NRP1: variants seen among roughly 807,000 people sequenced by gnomAD.
NRP1 encodes neuropilin 1.
In NRP1, 35 loss-of-function variants were observed where a neutral mutation model predicts 106.7. The ratio of observed to expected loss-of-function variants is 0.33; its 90% CI spans 0.25 to 0.43. The LOEUF is 0.43. NRP1 is among the 20% of genes least tolerant of loss of function. The pLI, the probability that NRP1 is intolerant of heterozygous loss-of-function variation, is 1.00. For synonymous variants in NRP1, 437 were observed against 417.9 expected, an observed-to-expected ratio of 1.05 and a Z score of -0.56; for missense variants, 1,024 against 1,170.4, an observed-to-expected ratio of 0.87 and a Z score of 1.83.
At chr10:33,232,664 G>C (rs1322920412) in intron 6 of NRP1, among the ~76,000 whole-genome samples, 5 of 92,902 alleles carry the variant, frequency 5.4e-5, no homozygotes, top group Non-Finnish European at 7.8e-5. Context: ...TTTTTTTTGA[G>C]ACAGAGTCTC....
chr10:33,219,412 C>T (rs1275245784), intron 8 of NRP1, among the ~76,000 whole-genome samples: 1 of 152,142 alleles, frequency 6.6e-6, no homozygotes, highest in Non-Finnish European at 1.5e-5. Flanking sequence ...AAACCTGCTT[C>T]TGGCAATTAT....
chr10:33,330,590 T>C (rs12781004), intron 2 of NRP1, 118 bp downstream of exon 2: 4 of 745,948 alleles, frequency 5.4e-6, no homozygotes, highest in Non-Finnish European at 7.8e-6. Context: ...CTGGCTGAGA[T>C]TGGAATCCCT....
At position 33,263,818 on chromosome 10, in the gene NRP1, T is replaced by G; in HGVS notation, c.486A>C (p.Gly162=). ...GGCTGTTGGGATATTTTTCAGGGAA[T>G]CCGGGGGACTTTATCACTCCACTAG... ...TTPSGVIKSP[G]FPEKYPNSLE... The change falls in exon 4 of 17, where the codon GGA becomes GGC. Residue 162 remains glycine (G), a synonymous_variant. Transcript: ENST00000374867. 1 of 1,614,000 alleles carries G rather than the reference T, an allele frequency of 6.2e-7. No individual in the cohort carries two copies. The highest frequency in any genetic ancestry group is 8.5e-7 in the Non-Finnish European group (1 of 1,179,850).
At chr10:33,193,065 C>T (rs973012873) in intron 12 of NRP1, among the ~76,000 whole-genome samples, 3 of 151,928 alleles carry the variant, frequency 2.0e-5, no homozygotes, top group African/African-American at 4.8e-5. Flanking sequence ...ATTGTTCACC[C>T]GGCTTAAAAC....
At chr10:33,295,576 G>T (rs1010051988) in intron 2 of NRP1, among the ~76,000 whole-genome samples, 1 of 152,114 alleles carries the variant, frequency 6.6e-6, no homozygotes, top group Non-Finnish European at 1.5e-5. Flanking sequence ...AGGCATGGTG[G>T]TGCACACCTG....
At chr10:33,317,245 GT>G (rs1158173870) in intron 2 of NRP1, among the ~76,000 whole-genome samples, 1 of 152,056 alleles carries the variant, frequency 6.6e-6, no homozygotes, top group East Asian at 1.9e-4. Context: ...TGAGGGTGAG[GT>G]GGGGATAAGG....
intron 2 of NRP1, among the ~76,000 whole-genome samples, chr10:33,319,149 C>G (rs191896495): frequency 1.3e-5 from 2 of 151,268 alleles, no homozygotes; most frequent in Admixed American, 6.6e-5. Flanking sequence ...GGACTACAGG[C>G]GCCCGCCACC....
chr10:33,233,711 A>G (rs935875310), intron 6 of NRP1, among the ~76,000 whole-genome samples: 14 of 152,240 alleles, frequency 9.2e-5, no homozygotes, highest in Non-Finnish European at 1.5e-4. Context: ...GGCCTGAAAA[A>G]ATAGAGGACA....
intron 16 of NRP1, among the ~76,000 whole-genome samples, chr10:33,181,620 C>G (rs1835692603): frequency 6.6e-6 from 1 of 152,184 alleles, no homozygotes; most frequent in South Asian, 2.1e-4. Context: ...CCAGGCAAGG[C>G]CTAACTCTGA....
chr10:33,303,140 TG>T (rs1286641035), intron 2 of NRP1, among the ~76,000 whole-genome samples: 1 of 152,216 alleles, frequency 6.6e-6, no homozygotes, highest in Non-Finnish European at 1.5e-5. Context: ...AACCTTGCCA[TG>T]GAAGAGTGAA....
At chr10:33,243,626 CCATA>C (rs5784325) in intron 6 of NRP1, among the ~76,000 whole-genome samples, 89,013 of 151,316 alleles carry the variant, frequency 0.59, 27,177 homozygotes, top group African/African-American at 0.76. Context: ...TAGAATAATG[CCATA>C]CATAAGTGCA....
chr10:33,222,442 C>T (rs1021298989), intron 7 of NRP1, among the ~76,000 whole-genome samples: 1 of 152,144 alleles, frequency 6.6e-6, no homozygotes. Flanking sequence ...AAAGTCAAAA[C>T]TGAGTTATAA....
chr10:33,283,095 G>A (rs1844261877), intron 2 of NRP1, among the ~76,000 whole-genome samples: 1 of 152,142 alleles, frequency 6.6e-6, no homozygotes, highest in Admixed American at 6.5e-5. Flanking sequence ...GCACAATTTT[G>A]TTCAACAGAC....
intron 2 of NRP1, among the ~76,000 whole-genome samples, chr10:33,299,415 T>G (rs1845643032): frequency 6.6e-6 from 1 of 152,206 alleles, no homozygotes; most frequent in Admixed American, 6.5e-5. Flanking sequence ...GATCCTTGCC[T>G]GACAACCATC....
intron 2 of NRP1, 58 bp downstream of exon 2, chr10:33,330,650 G>C: frequency 6.8e-7 from 1 of 1,462,338 alleles, no homozygotes; most frequent in Non-Finnish European, 9.3e-7. Context: ...CCCCCCCGTA[G>C]ACAGGCGTGA....
At chr10:33,239,674 A>G (rs1404726295) in intron 6 of NRP1, among the ~76,000 whole-genome samples, 1 of 152,170 alleles carries the variant, frequency 6.6e-6, no homozygotes, top group Non-Finnish European at 1.5e-5. Context: ...TTATTTCTCA[A>G]ATGACCTCTC....
chr10:33,218,107 A>G (rs935184143), intron 8 of NRP1, among the ~76,000 whole-genome samples: 1 of 152,200 alleles, frequency 6.6e-6, no homozygotes, highest in Admixed American at 6.5e-5. Context: ...GCGCTGGGTA[A>G]CAGACTTCTG....
rs148269212 is a variant in NRP1, at chr10:33,307,436, G to GT, written c.248+23271dup. Reference sequence around the variant, plus strand: ...AGCCTAAAATATTTCCTATCTGGCCGTTTTCAGAAAGTGTGCCAATTCCTG... The same window carrying GT: ...AGCCTAAAATATTTCCTATCTGGCCGTTTTTCAGAAAGTGTGCCAATTCCTG... On this transcript the variant is annotated intron_variant, in intron 2 of 16. Coordinates refer to ENST00000374867, the MANE Select transcript of NRP1 (RefSeq NM_003873.7). Among the ~76,000 whole-genome samples the GT allele has an allele frequency of 2.8e-3, 429 of 152,106 alleles. 3 individuals carry two copies. Among genetic ancestry groups the GT allele is most frequent in the African/African-American group, 0.01 (417 of 41,488 alleles).
At chr10:33,235,641 A>T (rs1035431673) in intron 6 of NRP1, among the ~76,000 whole-genome samples, 1 of 152,210 alleles carries the variant, frequency 6.6e-6, no homozygotes, top group African/African-American at 2.4e-5. Context: ...CAAATATTCC[A>T]TTTACATTCC....
Sources: allele counts gnomAD v4.1 joint callset (sites outside exome capture counted in the v4.1 genomes callset), GRCh38; gene constraint gnomAD v4.1.1; transcripts MANE v1.5; gene names NCBI Gene and HGNC (gene_info 2026-07-23, HGNC 2026-07-21).